SMYD4: variants seen among roughly 807,000 people sequenced by gnomAD.
SMYD4 encodes SET and MYND domain containing 4.
A neutral mutation model predicts 72.8 loss-of-function variants in SMYD4; 68 were observed. The observed-to-expected ratio is 0.93, with a 90% CI of 0.77 to 1.14. The LOEUF (loss-of-function observed/expected upper bound fraction) is 1.14. Ranked by LOEUF, SMYD4 falls within the 50% of genes most tolerant of loss-of-function variation. SMYD4 has a pLI of 0.00. For synonymous variants in SMYD4, 407 were observed against 388.6 expected, an observed-to-expected ratio of 1.05 and a Z score of -0.56; for missense variants, 984 against 1,003.7, an observed-to-expected ratio of 0.98 and a Z score of 0.27.
chr17:1,785,663 G>T (rs1361035018), intron 7 of SMYD4, among the ~76,000 whole-genome samples: 1 of 151,862 alleles, frequency 6.6e-6, no homozygotes, highest in Admixed American at 6.6e-5. Context: ...GGGAGGCTGA[G>T]GCAGGAGAAT....
chr17:1,801,124 A>T, intron 4 of SMYD4, 100 bp from the exon 5 acceptor site: 3 of 1,120,876 alleles, frequency 2.7e-6, no homozygotes, highest in Non-Finnish European at 3.8e-6. Flanking sequence ...AAGGATTATT[A>T]AAAAATGGAA....
intron 4 of SMYD4, among the ~76,000 whole-genome samples, chr17:1,804,011 G>A (rs1427867726): frequency 6.6e-6 from 1 of 151,648 alleles, no homozygotes; most frequent in Non-Finnish European, 1.5e-5. Flanking sequence ...AAGTAGCTGG[G>A]ACTACAGGTG....
At chr17:1,806,160 C>A (rs984404169) in intron 3 of SMYD4, among the ~76,000 whole-genome samples, 7 of 151,930 alleles carry the variant, frequency 4.6e-5, no homozygotes, top group African/African-American at 1.5e-4. Flanking sequence ...CTCGTGACCT[C>A]GTGATCCGCT....
At chr17:1,804,741 G>A in intron 3 of SMYD4, 26 bp from the exon 4 acceptor site, 3 of 1,604,504 alleles carry the variant, frequency 1.9e-6, no homozygotes, top group Non-Finnish European at 1.7e-6. Context: ...CTGGTTAAAA[G>A]TATAAATGGA....
At chr17:1,795,524 C>A (rs1287315118) in intron 5 of SMYD4, among the ~76,000 whole-genome samples, 4 of 152,138 alleles carry the variant, frequency 2.6e-5, no homozygotes, top group Non-Finnish European at 5.9e-5. Flanking sequence ...CTCACTGCAA[C>A]CTCTACCTTC....
chr17:1,802,452 T>A lies in SMYD4; in HGVS notation c.370-1428A>T, dbSNP rs189848145. ...GAGATCACAGTTAGCTATGATCGAG[T>A]CACTGCACTCCAGCCTGGGTAACAG... is the stretch of plus-strand genomic sequence containing the variant. On this transcript the variant is annotated intron_variant, in intron 4 of 10. Transcript: ENST00000305513. Among the ~76,000 whole-genome samples the A allele has an allele frequency of 2.0e-5, 3 of 151,492 alleles. 1 individual carries two copies. Among genetic ancestry groups the A allele is most frequent in the African/African-American group, 7.3e-5 (3 of 41,274 alleles).
chr17:1,800,041 G>A lies in SMYD4; in HGVS notation c.1353C>T (p.Cys451=). The change falls in exon 5 of 11, where the codon TGC becomes TGT. Residue 451 remains cysteine, a synonymous_variant. Transcript: ENST00000305513. ...GTAAACTGGCTGCTTCTAGCTGTCT[G>A]CACAGTGCAGAAACACAGAGAGCAC... is the stretch of plus-strand genomic sequence containing the variant. ...FLCALCVSAL[C]RQLEAASLQA... is the part of the protein sequence containing the mutation. 6.2e-7 allele frequency: 1 copy of A among 1,614,046 alleles called. No homozygotes were observed. Among genetic ancestry groups the A allele is most frequent in the South Asian group, 1.1e-5 (1 of 91,060 alleles).
At chr17:1,786,664 T>C in intron 7 of SMYD4, 146 bp downstream of exon 7, 1 of 849,168 alleles carries the variant, frequency 1.2e-6, no homozygotes, top group Non-Finnish European at 1.8e-6. Flanking sequence ...GGGGAACTAG[T>C]GTATGGGGAT....
rs1328406976 is a variant in SMYD4, at chr17:1,783,020, G to A, written c.2261+15C>T. On this transcript the variant is annotated intron_variant, in intron 10 of 10. Coordinates refer to ENST00000305513, the MANE Select transcript of SMYD4 (RefSeq NM_052928.3). Reference sequence around the variant, plus strand: ...AGGAACAGTGTGTGCCCTGTGAAGTGGGAAAGGGACTCACCCGTTGAAAAA... The same window carrying A: ...AGGAACAGTGTGTGCCCTGTGAAGTAGGAAAGGGACTCACCCGTTGAAAAA... 6.2e-7 allele frequency: 1 copy of A among 1,612,074 alleles called. No homozygotes were observed. The highest frequency in any genetic ancestry group is 1.3e-5 in the African/African-American group (1 of 74,692).
intron 2 of SMYD4, among the ~76,000 whole-genome samples, chr17:1,814,213 G>A: frequency 6.6e-6 from 1 of 152,118 alleles, no homozygotes; most frequent in Middle Eastern, 3.2e-3. Context: ...GCTGAGGTGG[G>A]AGGACTGCCT....
chr17:1,819,304 C>A (rs2151252189), intron 2 of SMYD4, among the ~76,000 whole-genome samples: 1 of 152,230 alleles, frequency 6.6e-6, no homozygotes, highest in South Asian at 2.1e-4. Flanking sequence ...TTGCAGTGAG[C>A]AGAGATTGTG....
rs142335039 is a variant in SMYD4 at position 1,812,050 on chromosome 17, G to C, written c.200C>G (p.Ala67Gly). Residue 67 changes from alanine (A) to glycine (G), a missense_variant, in exon 3 of 11, where the codon GCT becomes GGT. Ala to Gly is a moderately conservative substitution (Grantham distance 60). Coordinates refer to ENST00000305513, the MANE Select transcript of SMYD4 (RefSeq NM_052928.3). ...KGYLVGKDSD[A>G]PLFYREEGNK... Reference sequence around the variant, plus strand: ...TCCTTCTTCTCTGTAGAAAAGAGGAGCGTCCGAGTCCTTTCCCACCAAGTA... The same window carrying C: ...TCCTTCTTCTCTGTAGAAAAGAGGACCGTCCGAGTCCTTTCCCACCAAGTA... 1.2e-6 allele frequency: 2 copies of C among 1,614,084 alleles called. No homozygotes were observed. The highest frequency in any genetic ancestry group is 3.3e-5 in the Admixed American group (2 of 59,992).
At position 1,779,908 on chromosome 17, in the gene SMYD4, G is replaced by C. The variant is rs1908281466; in HGVS notation, c.*1378C>G. The C allele has an allele frequency of 6.6e-6, 1 of 152,572 alleles. No individual in the cohort carries two copies. The allele number at this position is 152,572 out of a possible 1,614,324, so 9.5% of individuals were successfully genotyped here. ...CATCTCATTACTACTAAAACCACAG[G>C]AATGTTCCAGGGAAACAGACTATCA... is the stretch of plus-strand genomic sequence containing the variant. On this transcript the variant is annotated 3_prime_UTR_variant, in exon 11 of 11. Coordinates refer to ENST00000305513, the MANE Select transcript of SMYD4 (RefSeq NM_052928.3).
chr17:1,806,712 G>A (rs559333502), intron 3 of SMYD4, among the ~76,000 whole-genome samples: 2 of 152,206 alleles, frequency 1.3e-5, no homozygotes, highest in East Asian at 3.9e-4. Context: ...TAGTGAGGGT[G>A]TACACTGGTT....
chr17:1,786,151 T>C lies in SMYD4; in HGVS notation c.1884+659A>G, dbSNP rs568119098. ...TTTTCCTCCAGCCACAGTTCTCAGG[T>C]CAATGAAACACAGTAACATCTCTGC... On this transcript the variant is annotated intron_variant, in intron 7 of 10. Coordinates refer to ENST00000305513, the MANE Select transcript of SMYD4 (RefSeq NM_052928.3). Among the ~76,000 whole-genome samples, 3 of 152,270 alleles carry C rather than the reference T, an allele frequency of 2.0e-5. No individual in the cohort carries two copies. The South Asian group carries it at 6.2e-4, about 32-fold the overall frequency.
intron 2 of SMYD4, among the ~76,000 whole-genome samples, chr17:1,824,103 G>A (rs1382666866): frequency 6.6e-6 from 1 of 152,172 alleles, no homozygotes; most frequent in African/African-American, 2.4e-5. Context: ...AGGACTTTGG[G>A]AGGCCAAGGT....
chr17:1,784,856 G>A (rs996643512), intron 7 of SMYD4, among the ~76,000 whole-genome samples: 1 of 151,694 alleles, frequency 6.6e-6, no homozygotes, highest in East Asian at 2.0e-4. Flanking sequence ...TCCAAGCTCC[G>A]CCTCCCGGGT....
In SMYD4 at chr17:1,819,777, ATATG is replaced by A. The variant is rs1910800414; in HGVS notation, c.135-7666_135-7663del. On this transcript the variant is annotated intron_variant, in intron 2 of 10. Coordinates refer to ENST00000305513, the MANE Select transcript of SMYD4 (RefSeq NM_052928.3). ...TGTGAGCAATATTTACACAGACATA[ATATG>A]TATTTACTTATTTTTGTTTGTTTTG... Among the ~76,000 whole-genome samples, 5 of 152,092 alleles carry A rather than the reference ATATG, an allele frequency of 3.3e-5. No individual in the cohort carries two copies. The South Asian group carries it at 1.0e-3, about 32-fold the overall frequency.
intron 4 of SMYD4, among the ~76,000 whole-genome samples, chr17:1,801,625 GAAAAA>G (rs551608562): frequency 2.2e-5 from 2 of 89,992 alleles, no homozygotes; most frequent in Admixed American, 1.4e-4. Flanking sequence ...GGCAGGCTTT[GAAAAA>G]AAAAAAAAAA....
Sources: gnomAD v4.1 joint callset for allele counts (sites outside exome capture counted in the v4.1 genomes callset) on GRCh38, gnomAD v4.1.1 for gene constraint, MANE v1.5 for transcripts, NCBI Gene and HGNC (gene_info 2026-07-23, HGNC 2026-07-21) for gene names.